Variants in RORA observed in about 807,000 individuals in gnomAD.
The protein encoded by RORA is nuclear receptor ROR-alpha.
RORA carries 7 observed loss-of-function variants against 69.5 expected under a neutral mutation model. The observed-to-expected ratio is 0.10, with a 90% CI of 0.06 to 0.19. The LOEUF (loss-of-function observed/expected upper bound fraction) is 0.19, where lower values mean the gene tolerates loss of function less well. Among genes scored for constraint, RORA ranks in the 10% least tolerant of loss-of-function variants. RORA has a pLI of 1.00. For missense variants in RORA, 457 were observed against 663.0 expected (o/e 0.69, Z 3.41); for synonymous variants, 261 against 240.8 (o/e 1.08, Z -0.78).
At chr15:61,083,073 G>A (rs1357497177) in intron 1 of RORA, among the ~76,000 whole-genome samples, 4 of 152,158 alleles carry the variant, frequency 2.6e-5, no homozygotes, top group Admixed American at 6.5e-5. Context: ...CCACAAAAGC[G>A]TCCCTCTCAA....
intron 1 of RORA, among the ~76,000 whole-genome samples, chr15:61,135,248 T>C (rs1056825611): frequency 1.3e-5 from 2 of 151,552 alleles, no homozygotes; most frequent in African/African-American, 4.9e-5. Flanking sequence ...TGAGAAACAC[T>C]TGAACACAGG....
At chr15:60,747,613 T>C (rs1360574006) in intron 1 of RORA, among the ~76,000 whole-genome samples, 4 of 152,148 alleles carry the variant, frequency 2.6e-5, no homozygotes, top group Non-Finnish European at 4.4e-5. Flanking sequence ...AATTTCAGAA[T>C]AGGTGAGGCT....
At chr15:61,103,052 T>G (rs569274791) in intron 1 of RORA, among the ~76,000 whole-genome samples, 41 of 152,328 alleles carry the variant, frequency 2.7e-4, no homozygotes, top group African/African-American at 9.6e-4. Context: ...ATAAATGTCT[T>G]TATTCAGACA....
At chr15:61,176,224 C>T (rs984646094) in intron 1 of RORA, 2 of 152,218 alleles carry the variant, frequency 1.3e-5, no homozygotes, top group Non-Finnish European at 2.9e-5. Context: ...TGTTCAAACA[C>T]TCTCTTCTTG....
chr15:61,111,673 A>C (rs891998076), intron 1 of RORA, among the ~76,000 whole-genome samples: 11 of 152,092 alleles, frequency 7.2e-5, no homozygotes, highest in Admixed American at 7.2e-4. Context: ...TTTTTGTGAA[A>C]GTATAAACCT....
intron 1 of RORA, among the ~76,000 whole-genome samples, chr15:61,200,543 G>C (rs994885632): frequency 6.6e-6 from 1 of 152,126 alleles, no homozygotes; most frequent in South Asian, 2.1e-4. Flanking sequence ...ACCTGGAAAA[G>C]GAAATAAATA....
At chr15:61,082,516 C>T (rs924247427) in intron 1 of RORA, among the ~76,000 whole-genome samples, 18 of 152,136 alleles carry the variant, frequency 1.2e-4, no homozygotes, top group Non-Finnish European at 2.2e-4. Flanking sequence ...AAACCACATA[C>T]ACAATAATAC....
chr15:60,535,315 C>T (rs570029365), intron 2 of RORA, among the ~76,000 whole-genome samples: 9 of 152,346 alleles, frequency 5.9e-5, no homozygotes, highest in Non-Finnish European at 1.2e-4. Flanking sequence ...ATTGGCTTCA[C>T]AATGAACAAT....
rs1455018128 is a variant in RORA at position 60,494,307 on chromosome 15, G to A, written c.*3148C>T. On this transcript the variant is annotated 3_prime_UTR_variant, in exon 11 of 11. Transcript: ENST00000335670. Reference sequence around the variant, plus strand: ...TATAATAACCATTTGGACACCATTGGAACAGAAGGTATTCAGGCTTTGTAC... The same window carrying A: ...TATAATAACCATTTGGACACCATTGAAACAGAAGGTATTCAGGCTTTGTAC... 1 of 152,126 alleles carries A rather than the reference G, an allele frequency of 6.6e-6. No individual in the cohort carries two copies. The highest frequency in any genetic ancestry group is 1.5e-5 in the Non-Finnish European group (1 of 68,022). The allele number at this position is 152,126 out of a possible 1,614,324, so 9.4% of individuals were successfully genotyped here.
intron 1 of RORA, among the ~76,000 whole-genome samples, chr15:60,740,244 C>A (rs1014764486): frequency 2.0e-5 from 3 of 151,942 alleles, no homozygotes; most frequent in Admixed American, 6.6e-5. Flanking sequence ...TGTGGGCTAC[C>A]CAGTTCGTTA....
intron 1 of RORA, among the ~76,000 whole-genome samples, chr15:61,175,094 A>G (rs984299109): frequency 1.3e-5 from 2 of 152,204 alleles, no homozygotes; most frequent in African/African-American, 2.4e-5. Context: ...CTCTGGGTCT[A>G]TACTATGGCT....
chr15:61,037,903 TGA>T (rs1896542134), intron 1 of RORA, among the ~76,000 whole-genome samples: 1 of 152,174 alleles, frequency 6.6e-6, no homozygotes, highest in South Asian at 2.1e-4. Flanking sequence ...CATGCCATTG[TGA>T]GAGATCAATA....
At chr15:60,789,905 G>A (rs1012000894) in intron 1 of RORA, among the ~76,000 whole-genome samples, 2 of 152,150 alleles carry the variant, frequency 1.3e-5, no homozygotes, top group Non-Finnish European at 2.9e-5. Context: ...CTACTTTGGG[G>A]TGCCCAGTCT....
chr15:61,209,253 CTTG>C (rs1294603694), intron 1 of RORA, among the ~76,000 whole-genome samples: 5 of 119,560 alleles, frequency 4.2e-5, no homozygotes, highest in East Asian at 2.4e-4. Flanking sequence ...TATGAAGGAA[CTTG>C]TTGTTGAATT....
chr15:60,683,656 A>ACG (rs1276905251), intron 1 of RORA, among the ~76,000 whole-genome samples: 1 of 151,572 alleles, frequency 6.6e-6, no homozygotes, highest in Non-Finnish European at 1.5e-5. Context: ...ATACACACAC[A>ACG]CACACACACA....
chr15:60,957,639 A>G (rs1178303116), intron 1 of RORA, among the ~76,000 whole-genome samples: 2 of 152,194 alleles, frequency 1.3e-5, no homozygotes, highest in African/African-American at 4.8e-5. Context: ...CACATATACT[A>G]ATTATTTTGA....
intron 1 of RORA, among the ~76,000 whole-genome samples, chr15:61,170,458 A>G (rs1049159085): frequency 1.3e-5 from 2 of 152,036 alleles, no homozygotes; most frequent in Non-Finnish European, 2.9e-5. Context: ...TCTTATAAGG[A>G]CCTGTAATTA....
At chr15:61,104,638 C>G (rs572731033) in intron 1 of RORA, among the ~76,000 whole-genome samples, 5 of 152,274 alleles carry the variant, frequency 3.3e-5, no homozygotes, top group African/African-American at 1.2e-4. Flanking sequence ...CCACTCTCCC[C>G]CACTCTCTAC....
At chr15:60,690,721 A>G (rs2070810945) in intron 1 of RORA, among the ~76,000 whole-genome samples, 1 of 152,222 alleles carries the variant, frequency 6.6e-6, no homozygotes, top group Non-Finnish European at 1.5e-5. Context: ...TGGGACTCAG[A>G]GGGATTAGGC....
Sources: gnomAD v4.1 joint callset for allele counts (sites outside exome capture counted in the v4.1 genomes callset) on GRCh38, gnomAD v4.1.1 for gene constraint, MANE v1.5 for transcripts, NCBI Gene and HGNC (gene_info 2026-07-23, HGNC 2026-07-21) for gene names.